TP63: variants seen among roughly 807,000 people sequenced by gnomAD.
The protein encoded by TP63 is tumor protein 63.
In TP63, 17 loss-of-function variants were observed where a neutral mutation model predicts 82.8. That is an observed-to-expected ratio of 0.21 (90% CI 0.14 to 0.31). TP63 has a LOEUF of 0.31. TP63 is among the 10% of genes least tolerant of loss of function. The probability of loss-of-function intolerance (pLI) is 1.00; values close to 1 mark genes in which losing one functional copy is unlikely to be tolerated. For missense variants in TP63, 648 were observed against 895.3 expected (o/e 0.72, Z 3.52); for synonymous variants, 330 against 321.7 (o/e 1.03, Z -0.28).
At chr3:189,789,729 C>CAGCG (rs34201045) in intron 3 of TP63, 3 of 1,482,466 alleles carry the variant, frequency 2.0e-6, no homozygotes, top group Non-Finnish European at 2.7e-6. Context: ...GTAAGGGTCT[C>CAGCG]GGGGTGGGGG....
chr3:189,709,444 G>A (rs1433679028), intron 1 of TP63, among the ~76,000 whole-genome samples: 1 of 151,698 alleles, frequency 6.6e-6, no homozygotes, highest in Non-Finnish European at 1.5e-5. Context: ...TTTCCACTAT[G>A]GAGCCCACAG....
chr3:189,619,667 C>T, the TP63 span, among the ~76,000 whole-genome samples: 1 of 152,152 alleles, frequency 6.6e-6, no homozygotes, highest in Non-Finnish European at 1.5e-5. Context: ...CCATAAAGCT[C>T]TGCTATCCTT....
At chr3:189,769,422 A>T (rs1381567395) in intron 3 of TP63, among the ~76,000 whole-genome samples, 1 of 152,174 alleles carries the variant, frequency 6.6e-6, no homozygotes, top group Non-Finnish European at 1.5e-5. Flanking sequence ...TTATGTGTAT[A>T]CATTTGTGGT....
At chr3:189,672,634 A>G (rs62289999) in intron 1 of TP63, among the ~76,000 whole-genome samples, 3,429 of 103,540 alleles carry the variant, frequency 0.033, 160 homozygotes, top group African/African-American at 0.11. Context: ...GGAAGGAAGG[A>G]AGGGAGGGAG....
chr3:189,824,876 T>TCAG (rs1412834580), intron 4 of TP63, among the ~76,000 whole-genome samples: 1 of 151,270 alleles, frequency 6.6e-6, no homozygotes, highest in Non-Finnish European at 1.5e-5. Context: ...TCCCCTAATA[T>TCAG]CAGTAGCTTG....
chr3:189,696,720 C>G, intron 1 of TP63, among the ~76,000 whole-genome samples: 1 of 151,992 alleles, frequency 6.6e-6, no homozygotes, highest in East Asian at 1.9e-4. Flanking sequence ...GCTTGGCAGT[C>G]GTTTATACTT....
chr3:189,713,395 C>T (rs1305613121), intron 1 of TP63, among the ~76,000 whole-genome samples: 2 of 152,192 alleles, frequency 1.3e-5, no homozygotes, highest in Non-Finnish European at 1.5e-5. Flanking sequence ...ATACCATCCT[C>T]TGGTCCTTGA....
chr3:189,749,069 A>G (rs1296970167), intron 3 of TP63, among the ~76,000 whole-genome samples: 2 of 152,162 alleles, frequency 1.3e-5, no homozygotes, highest in African/African-American at 4.8e-5. Flanking sequence ...TTAAAACTAT[A>G]AACTACTAGA....
At chr3:189,861,890 T>C (rs1465115705) in intron 4 of TP63, among the ~76,000 whole-genome samples, 4 of 152,172 alleles carry the variant, frequency 2.6e-5, no homozygotes, top group African/African-American at 9.7e-5. Flanking sequence ...TTTCTGTACA[T>C]TTATTTTCTT....
chr3:189,808,619 G>A lies in TP63; in HGVS notation c.579+93G>A, dbSNP rs1422370171. The A allele has an allele frequency of 5.6e-6, 9 of 1,597,954 alleles. No homozygotes were observed. The African/African-American group carries it at 1.1e-4, about 19-fold the overall frequency. On this transcript the variant is annotated intron_variant, in intron 4 of 13. Coordinates refer to ENST00000264731, the MANE Select transcript of TP63 (RefSeq NM_003722.5). ...GATTTCTCCCCCTTCCCAGTTTAGC[G>A]ATTCCATGTTCATGGTGGAAAATTT... is the stretch of plus-strand genomic sequence containing the variant.
At chr3:189,737,670 G>C (rs1212817958) in intron 1 of TP63, 70 bp from the exon 2 acceptor site, 3 of 1,534,556 alleles carry the variant, frequency 2.0e-6, no homozygotes, top group Non-Finnish European at 2.7e-6. Context: ...GATAGAGTAT[G>C]CTTTAATTTA....
chr3:189,669,433 C>T (rs796230358), intron 1 of TP63, among the ~76,000 whole-genome samples: 8 of 151,130 alleles, frequency 5.3e-5, no homozygotes, highest in Admixed American at 2.0e-4. Context: ...CTCAAACCTA[C>T]AGGAAATAAT....
chr3:189,866,804 A>C lies in TP63; in HGVS notation c.882+7A>C. 6.2e-7 allele frequency: 1 copy of C among 1,613,916 alleles called. No individual in the cohort carries two copies. Among genetic ancestry groups the C allele is most frequent in the East Asian group, 2.2e-5 (1 of 44,864 alleles). On this transcript the variant is annotated splice_region_variant and intron_variant, in intron 6 of 13. Coordinates refer to ENST00000264731, the MANE Select transcript of TP63 (RefSeq NM_003722.5). ...ACCTTATGAGCCACCCCAGGTAAAA[A>C]GCAAAAAACCAAACCAAAAAACAAC...
intron 1 of TP63, among the ~76,000 whole-genome samples, chr3:189,722,962 A>G (rs1453638181): frequency 6.6e-6 from 1 of 152,210 alleles, no homozygotes; most frequent in African/African-American, 2.4e-5. Context: ...TACTGAAGCC[A>G]TGTGTTTTCA....
At chr3:189,798,917 A>G (rs1360168422) in intron 3 of TP63, among the ~76,000 whole-genome samples, 1 of 152,116 alleles carries the variant, frequency 6.6e-6, no homozygotes, top group Non-Finnish European at 1.5e-5. Context: ...AATGTTATAT[A>G]GGTCACCATA....
chr3:189,647,828 G>A (rs1281444690), intron 1 of TP63, among the ~76,000 whole-genome samples: 7 of 146,504 alleles, frequency 4.8e-5, no homozygotes, highest in African/African-American at 1.8e-4. Flanking sequence ...AAAATCATGA[G>A]ATTCAAAACA....
chr3:189,699,100 A>G (rs1717612384), intron 1 of TP63, among the ~76,000 whole-genome samples: 1 of 152,078 alleles, frequency 6.6e-6, no homozygotes, highest in South Asian at 2.1e-4. Flanking sequence ...AGAAAGATCA[A>G]TTTTCCTGTA....
At chr3:189,653,546 TCTA>T (rs1201562360) in intron 1 of TP63, among the ~76,000 whole-genome samples, 1 of 152,230 alleles carries the variant, frequency 6.6e-6, no homozygotes, top group Non-Finnish European at 1.5e-5. Flanking sequence ...TTCCTAGATT[TCTA>T]CTAAGTAGAC....
At chr3:189,890,669 C>G (rs1398432593) in intron 12 of TP63, 120 bp from the exon 13 acceptor site, 1 of 781,170 alleles carries the variant, frequency 1.3e-6, no homozygotes, top group Non-Finnish European at 2.2e-6. Context: ...ACCCAATCCT[C>G]ATCTCTGATG....
Sources: allele counts gnomAD v4.1 joint callset (sites outside exome capture counted in the v4.1 genomes callset), GRCh38; gene constraint gnomAD v4.1.1; transcripts MANE v1.5; gene names NCBI Gene and HGNC (gene_info 2026-07-23, HGNC 2026-07-21).